The following SCOC variants were observed in gnomAD, a reference collection of about 807,000 sequenced individuals.
The protein encoded by SCOC is short coiled-coil protein.
A neutral mutation model predicts 9.9 loss-of-function variants in SCOC; 7 were observed. The observed-to-expected ratio is 0.71, with a 90% CI of 0.40 to 1.33. The LOEUF (loss-of-function observed/expected upper bound fraction) is 1.33, where lower values mean the gene tolerates loss of function less well. Ranked by LOEUF, SCOC falls within the 40% of genes most tolerant of loss-of-function variation. SCOC has a pLI of 0.01. For missense variants in SCOC, 66 were observed against 89.7 expected (o/e 0.74, Z 1.07); for synonymous variants, 19 against 28.2 (o/e 0.67, Z 1.03).
intron 1 of SCOC, among the ~76,000 whole-genome samples, chr4:140,298,675 C>A (rs1731720330): frequency 6.6e-6 from 1 of 152,178 alleles, no homozygotes; most frequent in South Asian, 2.1e-4. Context: ...ATCAGTGACT[C>A]CTCTTTTCTC....
chr4:140,343,640 T>C (rs777610440), exon 2 of SCOC: 36 of 1,613,244 alleles, frequency 2.2e-5, no homozygotes, highest in Non-Finnish European at 3.1e-5. Flanking sequence ...TTGAACAAGA[T>C]GGACGGGTCC....
chr4:140,350,248 A>ATT (rs11397347), intron 2 of SCOC, among the ~76,000 whole-genome samples: 5 of 151,828 alleles, frequency 3.3e-5, no homozygotes, highest in South Asian at 2.1e-4. Flanking sequence ...CTCTGTCTGC[A>ATT]TTTTTTTTCA....
intron 1 of SCOC, among the ~76,000 whole-genome samples, chr4:140,312,295 C>T (rs534023477): frequency 5.0e-4 from 76 of 152,182 alleles, no homozygotes; most frequent in African/African-American, 1.6e-3. Flanking sequence ...AAGACTTTCT[C>T]GTTCACTGAT....
chr4:140,378,167 A>G (rs1033671854), intron 1 of SCOC, among the ~76,000 whole-genome samples: 4 of 152,080 alleles, frequency 2.6e-5, no homozygotes, highest in African/African-American at 9.7e-5. Context: ...CTAGGAGCTG[A>G]TGAATGGACA....
intron 2 of SCOC, 137 bp downstream of exon 2, chr4:140,379,329 G>A (rs2126600807): frequency 1.4e-6 from 1 of 738,238 alleles, no homozygotes; most frequent in Middle Eastern, 3.2e-4. Flanking sequence ...CTCATCTAGT[G>A]TTAGAAAGGA....
intron 1 of SCOC, among the ~76,000 whole-genome samples, chr4:140,329,615 C>T (rs563587779): frequency 4.3e-4 from 65 of 151,888 alleles, no homozygotes; most frequent in Non-Finnish European, 7.8e-4. Flanking sequence ...AAAAAACAAA[C>T]AATCCCATCA....
chr4:140,308,177 A>G (rs534052654), intron 1 of SCOC, among the ~76,000 whole-genome samples: 3 of 152,332 alleles, frequency 2.0e-5, no homozygotes, highest in African/African-American at 7.2e-5. Flanking sequence ...GCTTTACAAA[A>G]TAGGCTTGTT....
intron 2 of SCOC, among the ~76,000 whole-genome samples, chr4:140,347,158 C>G (rs1041105868): frequency 1.3e-5 from 2 of 151,954 alleles, no homozygotes; most frequent in Non-Finnish European, 2.9e-5. Context: ...AATTTAGGTA[C>G]AGTAATTTTT....
intron 2 of SCOC, among the ~76,000 whole-genome samples, chr4:140,359,868 T>C (rs1727387570): frequency 6.6e-6 from 1 of 152,204 alleles, no homozygotes; most frequent in African/African-American, 2.4e-5. Context: ...TAGGACAGCA[T>C]ACATGCTCTT....
chr4:140,379,884 G>A (rs1728496929), intron 3 of SCOC, among the ~76,000 whole-genome samples: 1 of 152,094 alleles, frequency 6.6e-6, no homozygotes, highest in African/African-American at 2.4e-5. Context: ...CATAATGCTG[G>A]CTAGTATGAG....
intron 2 of SCOC, among the ~76,000 whole-genome samples, chr4:140,344,280 G>A (rs1726623114): frequency 6.6e-6 from 1 of 152,094 alleles, no homozygotes; most frequent in Non-Finnish European, 1.5e-5. Context: ...AATGTTAACT[G>A]GAAACACTTC....
chr4:140,270,033 G>T (rs1412424234), intron 1 of SCOC, among the ~76,000 whole-genome samples: 1 of 152,172 alleles, frequency 6.6e-6, no homozygotes, highest in African/African-American at 2.4e-5. Context: ...TTACAGGCAT[G>T]AACCACCATG....
chr4:140,288,168 A>G (rs1162460727), intron 1 of SCOC, among the ~76,000 whole-genome samples: 1 of 152,006 alleles, frequency 6.6e-6, no homozygotes, highest in Non-Finnish European at 1.5e-5. Flanking sequence ...CCACATAGAT[A>G]TACTACACAT....
At chr4:140,353,535 T>G (rs1221769931) in intron 2 of SCOC, among the ~76,000 whole-genome samples, 3 of 151,970 alleles carry the variant, frequency 2.0e-5, no homozygotes, top group Non-Finnish European at 4.4e-5. Flanking sequence ...CTCATCCTCC[T>G]GAGTAGCTGG....
At chr4:140,357,372 C>T (rs936646072) in intron 2 of SCOC, among the ~76,000 whole-genome samples, 9 of 152,160 alleles carry the variant, frequency 5.9e-5, no homozygotes, top group Non-Finnish European at 1.2e-4. Context: ...ATTTCTTCTC[C>T]AGTAAATTTG....
chr4:140,312,164 G>A (rs1019282541), intron 1 of SCOC, among the ~76,000 whole-genome samples: 10 of 152,092 alleles, frequency 6.6e-5, no homozygotes, highest in African/African-American at 2.4e-4. Context: ...TCAGACCTAA[G>A]ATCTAGTGAC....
chr4:140,286,112 A>G (rs1468781842), intron 1 of SCOC, among the ~76,000 whole-genome samples: 2 of 151,858 alleles, frequency 1.3e-5, no homozygotes, highest in Non-Finnish European at 2.9e-5. Context: ...TGAACCTGGG[A>G]GGTGGAGGTT....
rs1352417253 is a variant in SCOC, at chr4:140,383,261, G to C, written c.*2157G>C. Reference sequence around the variant, plus strand: ...CCAAGTATCTTCCCTTACACAGAAAGTAATCCCTCTTCATCCAGCTAGTGA... The same window carrying C: ...CCAAGTATCTTCCCTTACACAGAAACTAATCCCTCTTCATCCAGCTAGTGA... On this transcript the variant is annotated 3_prime_UTR_variant, in exon 4 of 4. Coordinates refer to ENST00000608372, the MANE Select transcript of SCOC (RefSeq NM_001153484.2). 6.6e-6 allele frequency: 1 copy of C among 152,184 alleles called. No individual in the cohort carries two copies. The highest frequency in any genetic ancestry group is 1.9e-4 in the East Asian group (1 of 5,178). 9.4% of individuals were successfully genotyped at this position (152,184 alleles called of 1,614,324 possible).
At chr4:140,347,044 G>A (rs1726768420) in intron 2 of SCOC, among the ~76,000 whole-genome samples, 1 of 152,164 alleles carries the variant, frequency 6.6e-6, no homozygotes, top group Non-Finnish European at 1.5e-5. Flanking sequence ...TAATGAGGGC[G>A]GCAGTTTGAG....
Sources: gnomAD v4.1 joint callset for allele counts (sites outside exome capture counted in the v4.1 genomes callset) on GRCh38, gnomAD v4.1.1 for gene constraint, MANE v1.5 for transcripts, NCBI Gene and HGNC (gene_info 2026-07-23, HGNC 2026-07-21) for gene names.